PPARGC1B: variants seen among roughly 807,000 people sequenced by gnomAD.
PPARGC1B encodes PPARG coactivator 1 beta.
Under a neutral mutation model 101.6 loss-of-function variants are expected in PPARGC1B, and 34 were observed. That is an observed-to-expected ratio of 0.33 (90% CI 0.25 to 0.45). The LOEUF is 0.45. Ranked by LOEUF, PPARGC1B falls within the 20% of genes least tolerant of loss-of-function variation. The pLI, the probability that PPARGC1B is intolerant of heterozygous loss-of-function variation, is 1.00. For missense variants in PPARGC1B, 1,234 were observed against 1,317.6 expected (o/e 0.94, Z 0.98); for synonymous variants, 548 against 539.3 (o/e 1.02, Z -0.22).
intron 1 of PPARGC1B, among the ~76,000 whole-genome samples, chr5:149,731,154 C>A (rs948641038): frequency 2.0e-5 from 3 of 151,918 alleles, no homozygotes; most frequent in African/African-American, 7.3e-5. Context: ...GAAGGGAAGG[C>A]GAGGCGGAGT....
intron 1 of PPARGC1B, among the ~76,000 whole-genome samples, chr5:149,777,376 C>T (rs932328599): frequency 1.3e-5 from 2 of 152,142 alleles, no homozygotes; most frequent in Non-Finnish European, 2.9e-5. Context: ...TTCCCTTCCT[C>T]CCCCCACCAC....
chr5:149,743,555 A>G (rs1050269937), intron 1 of PPARGC1B, among the ~76,000 whole-genome samples: 1 of 152,098 alleles, frequency 6.6e-6, no homozygotes, highest in African/African-American at 2.4e-5. Flanking sequence ...TCCCTGGCAC[A>G]CTGTAGGCCC....
At chr5:149,746,111 CCA>C (rs1483581785) in intron 1 of PPARGC1B, among the ~76,000 whole-genome samples, 5 of 152,202 alleles carry the variant, frequency 3.3e-5, no homozygotes, top group Admixed American at 2.6e-4. Flanking sequence ...TGTGCTGCTT[CCA>C]CAGTGTGGTC....
intron 3 of PPARGC1B, among the ~76,000 whole-genome samples, chr5:149,830,247 T>C (rs936954744): frequency 2.2e-5 from 3 of 139,092 alleles, no homozygotes; most frequent in Admixed American, 7.1e-5. Flanking sequence ...ATGTGTCTTC[T>C]TTTTTTTTTT....
rs755834462 is a variant in PPARGC1B at position 149,836,490 on chromosome 5, G to C, written c.2035G>C (p.Ala679Pro). Residue 679 changes from alanine to proline, a missense_variant, in exon 8 of 12, where the codon GCT becomes CCT. Transcript: ENST00000309241. ...RHATAQPASQAGQKRPFSCSF... is the reference protein window; with the variant it reads ...RHATAQPASQPGQKRPFSCSF... ...TGCCACAGCCCAGCCAGCCTCCCAG[G>C]CTGGCCAGAAGCGTCCCTTCTCCTG... The C allele has an allele frequency of 6.2e-7, 1 of 1,613,972 alleles. No individual in the cohort carries two copies. Among genetic ancestry groups the C allele is most frequent in the Non-Finnish European group, 8.5e-7 (1 of 1,180,010 alleles).
intron 1 of PPARGC1B, among the ~76,000 whole-genome samples, chr5:149,794,178 G>A (rs1479448730): frequency 6.6e-6 from 1 of 152,190 alleles, no homozygotes; most frequent in African/African-American, 2.4e-5. Context: ...TTCAGCTTCT[G>A]TTAGAGAAAG....
At chr5:149,799,422 A>G (rs1012761569) in intron 1 of PPARGC1B, among the ~76,000 whole-genome samples, 11 of 152,190 alleles carry the variant, frequency 7.2e-5, no homozygotes, top group East Asian at 5.8e-4. Context: ...GGACCAAGAT[A>G]GAAAGTAAAA....
At chr5:149,748,686 C>T (rs369409861) in intron 1 of PPARGC1B, among the ~76,000 whole-genome samples, 3 of 152,212 alleles carry the variant, frequency 2.0e-5, no homozygotes, top group South Asian at 2.1e-4. Flanking sequence ...ACCAGGCTGT[C>T]GTGATGGCTA....
chr5:149,783,922 C>T (rs1436817587), intron 1 of PPARGC1B, among the ~76,000 whole-genome samples: 1 of 152,120 alleles, frequency 6.6e-6, no homozygotes, highest in South Asian at 2.1e-4. Context: ...CATGTTTATA[C>T]CCTTCACCCG....
At position 149,834,693 on chromosome 5, in the gene PPARGC1B, G is replaced by C. The variant is rs780249862; in HGVS notation, c.1725G>C (p.Met575Ile). 9 of 1,613,576 alleles carry C rather than the reference G, an allele frequency of 5.6e-6. No individual in the cohort carries two copies. Among genetic ancestry groups the C allele is most frequent in the South Asian group, 3.3e-5 (3 of 91,060 alleles). ...LPPRDSPRCLMLALSQSDPTF... is the reference protein window; with the variant it reads ...LPPRDSPRCLILALSQSDPTF... ...TTTCAGACTCTCCCAGGTGCCTCAT[G>C]CTGGCCTTGTCACAAAGGTAGATTT... is the stretch of plus-strand genomic sequence containing the variant. Residue 575 changes from methionine (M) to isoleucine (I), a missense_variant, in exon 6 of 12, where the codon ATG (methionine) becomes ATC (isoleucine). By Grantham distance (10) the Met-to-Ile change is conservative. Around this residue, in one of 3 missense-constraint regions of PPARGC1B, gnomAD observed 734 missense variants for 768.4 expected, o/e 0.96. Coordinates refer to ENST00000309241, the MANE Select transcript of PPARGC1B (RefSeq NM_133263.4).
At chr5:149,779,480 T>C (rs1367310295) in intron 1 of PPARGC1B, among the ~76,000 whole-genome samples, 1 of 152,170 alleles carries the variant, frequency 6.6e-6, no homozygotes, top group Non-Finnish European at 1.5e-5. Flanking sequence ...TTATTGAACA[T>C]CTACTGTATA....
chr5:149,805,228 C>G (rs1023923282), intron 1 of PPARGC1B, among the ~76,000 whole-genome samples: 9 of 152,146 alleles, frequency 5.9e-5, no homozygotes, highest in Admixed American at 3.9e-4. Flanking sequence ...GCTCAGACAC[C>G]CTGAGTGGTA....
chr5:149,755,229 A>T (rs548322528), intron 1 of PPARGC1B, among the ~76,000 whole-genome samples: 106 of 151,260 alleles, frequency 7.0e-4, no homozygotes, highest in African/African-American at 1.9e-3. Context: ...TGATTTTTTT[A>T]AAAAAGTTTT....
chr5:149,782,446 G>C (rs1756631997), intron 1 of PPARGC1B, among the ~76,000 whole-genome samples: 1 of 152,204 alleles, frequency 6.6e-6, no homozygotes, highest in Non-Finnish European at 1.5e-5. Context: ...CAGAAATCTG[G>C]GGGCTGGAAG....
At chr5:149,816,156 A>C (rs1758045357) in intron 1 of PPARGC1B, among the ~76,000 whole-genome samples, 1 of 152,230 alleles carries the variant, frequency 6.6e-6, no homozygotes. Context: ...AATCACTATT[A>C]ATGTGGCGCT....
Position 149,837,678 on chromosome 5 carries a change from T to C in PPARGC1B, c.2618+605T>C, listed in dbSNP as rs1399192327. On this transcript the variant is annotated intron_variant, in intron 8 of 11. Coordinates refer to ENST00000309241, the MANE Select transcript of PPARGC1B (RefSeq NM_133263.4). This position sits in a 1 kb window ranked among gnomAD's most constrained non-coding sequence, Gnocchi z 4.2. Reference sequence around the variant, plus strand: ...ATCATCCTCGCTCGCTGAACCAGACTGGAGAAGAAGCCAGTCCAAAAGTCA... The same window carrying C: ...ATCATCCTCGCTCGCTGAACCAGACCGGAGAAGAAGCCAGTCCAAAAGTCA... Among the ~76,000 whole-genome samples, 1 of 152,162 alleles carries C rather than the reference T, an allele frequency of 6.6e-6. No homozygotes were observed. Among genetic ancestry groups the C allele is most frequent in the Non-Finnish European group, 1.5e-5 (1 of 68,028 alleles).
Position 149,837,442 on chromosome 5 carries a change from C to A in PPARGC1B, c.2618+369C>A, listed in dbSNP as rs981807627. Among the ~76,000 whole-genome samples, 1 of 152,230 alleles carries A rather than the reference C, an allele frequency of 6.6e-6. No homozygotes were observed. The highest frequency in any genetic ancestry group is 1.5e-5 in the Non-Finnish European group (1 of 68,036). On this transcript the variant is annotated intron_variant, in intron 8 of 11. Transcript: ENST00000309241. The surrounding 1 kb of genome is among the most constrained non-coding windows in gnomAD (Gnocchi z 4.2). The stretch of plus-strand genomic sequence containing the variant: ...ATGGATAAGTTTTTGTGCAAACATA[C>A]CTGCCCCAACAGTTTGAATTCTAGG...
chr5:149,775,525 A>G (rs1292003810), intron 1 of PPARGC1B, among the ~76,000 whole-genome samples: 1 of 152,102 alleles, frequency 6.6e-6, no homozygotes, highest in Non-Finnish European at 1.5e-5. Context: ...GACAGAACGA[A>G]TTCAGTCTCC....
intron 1 of PPARGC1B, among the ~76,000 whole-genome samples, chr5:149,746,907 T>C (rs1755114498): frequency 6.6e-6 from 1 of 152,258 alleles, no homozygotes; most frequent in South Asian, 2.1e-4. Context: ...TTTAGATAAA[T>C]GTCTTTTCAA....
Sources: allele counts gnomAD v4.1 joint callset (sites outside exome capture counted in the v4.1 genomes callset), GRCh38; gene constraint gnomAD v4.1.1; regional missense constraint gnomAD v4.1.1; non-coding constraint Gnocchi (gnomAD v3.1); transcripts MANE v1.5; gene names NCBI Gene and HGNC (gene_info 2026-07-23, HGNC 2026-07-21).